The following ANTXR1 variants were observed in gnomAD, a reference collection of about 807,000 sequenced individuals.
ANTXR1 encodes ANTXR cell adhesion molecule 1.
In ANTXR1, 19 loss-of-function variants were observed where a neutral mutation model predicts 78.1. The ratio of observed to expected loss-of-function variants is 0.24; its 90% CI spans 0.17 to 0.36. The LOEUF (loss-of-function observed/expected upper bound fraction) is 0.36. ANTXR1 is among the 10% of genes least tolerant of loss of function. The pLI, the probability that ANTXR1 is intolerant of heterozygous loss-of-function variation, is 1.00. For synonymous variants in ANTXR1, 273 were observed against 260.5 expected (o/e 1.05, Z -0.46); for missense variants, 518 against 718.6 (o/e 0.72, Z 3.19).
At chr2:69,182,740 G>A in intron 16 of ANTXR1, 80 bp downstream of exon 16, 1 of 1,590,756 alleles carries the variant, frequency 6.3e-7, no homozygotes, top group Non-Finnish European at 8.6e-7. Flanking sequence ...CTTTCCACAT[G>A]ATAAAATCCC....
chr2:69,150,166 C>A (rs56216132), intron 12 of ANTXR1, among the ~76,000 whole-genome samples: 23,428 of 152,192 alleles, frequency 0.15, 3,621 homozygotes, highest in African/African-American at 0.38. Context: ...CAGCTTCCAG[C>A]AGCCCCTGCT....
intron 9 of ANTXR1, among the ~76,000 whole-genome samples, chr2:69,098,449 G>A (rs889663155): frequency 2.0e-5 from 3 of 152,102 alleles, no homozygotes; most frequent in Admixed American, 2.0e-4. Flanking sequence ...CAAAAATCTT[G>A]GGTGACCAGA....
chr2:69,039,245 T>A (rs1408561265), intron 1 of ANTXR1, among the ~76,000 whole-genome samples: 1 of 152,148 alleles, frequency 6.6e-6, no homozygotes, highest in African/African-American at 2.4e-5. Context: ...AAACTGAATA[T>A]GAGCACTATG....
chr2:69,077,514 TA>T, intron 8 of ANTXR1, 26 bp downstream of exon 8: 3 of 1,612,526 alleles, frequency 1.9e-6, no homozygotes, highest in Non-Finnish European at 2.5e-6. Flanking sequence ...CCTCTGAGAC[TA>T]GACATTCAGG....
chr2:69,190,250 A>G (rs1350439562), intron 16 of ANTXR1, among the ~76,000 whole-genome samples: 2 of 152,214 alleles, frequency 1.3e-5, no homozygotes, highest in Admixed American at 6.5e-5. Flanking sequence ...GTGTCAAGGC[A>G]TTTGGCAGTC....
chr2:69,247,744 T>A lies in ANTXR1; in HGVS notation c.*2259T>A, dbSNP rs1047449984. 3 of 152,448 alleles carry A rather than the reference T, an allele frequency of 2.0e-5. No homozygotes were observed. Among genetic ancestry groups the A allele is most frequent in the African/African-American group, 7.2e-5 (3 of 41,462 alleles). 9.4% of individuals were successfully genotyped at this position (152,448 alleles called of 1,614,324 possible). On this transcript the variant is annotated 3_prime_UTR_variant, in exon 18 of 18. Coordinates refer to ENST00000303714, the MANE Select transcript of ANTXR1 (RefSeq NM_032208.3). ...AGTCTAAAACAGTCCACCCACCCCATGGCACTGCCGCGTGATTCCCGCGGC... is the reference window on the plus strand; with the variant it reads ...AGTCTAAAACAGTCCACCCACCCCAAGGCACTGCCGCGTGATTCCCGCGGC...
intron 1 of ANTXR1, among the ~76,000 whole-genome samples, chr2:69,023,192 C>T (rs1473018883): frequency 6.6e-6 from 1 of 152,200 alleles, no homozygotes; most frequent in Non-Finnish European, 1.5e-5. Flanking sequence ...ATGTCTGCCT[C>T]ACAAAAGTGT....
chr2:69,126,562 C>T (rs1672546944), intron 12 of ANTXR1, among the ~76,000 whole-genome samples: 1 of 152,042 alleles, frequency 6.6e-6, no homozygotes, highest in Non-Finnish European at 1.5e-5. Flanking sequence ...TTTGAGTGAT[C>T]CAACAGTTGG....
In ANTXR1 at chr2:69,098,877, T is replaced by C. The variant is rs375505380; in HGVS notation, c.704-3965T>C. Reference sequence around the variant, plus strand: ...GGCACATGCCTATAATCCCAGCTACTCCGGAGGCTGAGGCAGGAGAATAGC... The same window carrying C: ...GGCACATGCCTATAATCCCAGCTACCCCGGAGGCTGAGGCAGGAGAATAGC... On this transcript the variant is annotated intron_variant, in intron 9 of 17. Transcript: ENST00000303714. Among the ~76,000 whole-genome samples, 120 of 152,258 alleles carry C rather than the reference T, an allele frequency of 7.9e-4. 1 individual carries two copies. The highest frequency in any genetic ancestry group is 2.8e-3 in the African/African-American group (116 of 41,540).
At chr2:69,127,941 C>T (rs934640895) in intron 12 of ANTXR1, among the ~76,000 whole-genome samples, 6 of 152,102 alleles carry the variant, frequency 3.9e-5, no homozygotes, top group Admixed American at 3.3e-4. Context: ...GTTGTTTAGC[C>T]CCTAGCCAGG....
intron 14 of ANTXR1, among the ~76,000 whole-genome samples, chr2:69,172,136 G>A (rs1674003959): frequency 6.6e-6 from 1 of 152,152 alleles, no homozygotes; most frequent in Admixed American, 6.5e-5. Context: ...TCCCTTCCTG[G>A]AGTCTAGATC....
At chr2:69,075,356 T>C (rs1670697368) in intron 6 of ANTXR1, among the ~76,000 whole-genome samples, 1 of 152,226 alleles carries the variant, frequency 6.6e-6, no homozygotes, top group Non-Finnish European at 1.5e-5. Flanking sequence ...CTTTAAGCCC[T>C]TCATCAAGAC....
intron 3 of ANTXR1, among the ~76,000 whole-genome samples, chr2:69,049,586 AG>A (rs1387995846): frequency 6.6e-6 from 1 of 152,214 alleles, no homozygotes; most frequent in East Asian, 1.9e-4. Flanking sequence ...CTGGGATTAC[AG>A]GTGTGAGCCA....
chr2:69,193,723 G>T (rs1029284768), intron 17 of ANTXR1, among the ~76,000 whole-genome samples: 2 of 152,228 alleles, frequency 1.3e-5, no homozygotes, highest in Non-Finnish European at 2.9e-5. Context: ...GCTTCTCAAT[G>T]TATAGGCACA....
chr2:69,105,120 C>T (rs146648930), intron 10 of ANTXR1, among the ~76,000 whole-genome samples: 3 of 152,266 alleles, frequency 2.0e-5, no homozygotes, highest in South Asian at 2.1e-4. Flanking sequence ...TGCAAACTCA[C>T]TATGGATTTG....
chr2:69,084,921 C>T (rs1019217018), intron 8 of ANTXR1, among the ~76,000 whole-genome samples: 9 of 145,930 alleles, frequency 6.2e-5, no homozygotes, highest in African/African-American at 1.0e-4. Flanking sequence ...GGCGCTATCT[C>T]GGCTCACTGC....
chr2:69,213,205 C>T (rs184200603), intron 17 of ANTXR1, among the ~76,000 whole-genome samples: 5 of 152,160 alleles, frequency 3.3e-5, no homozygotes, highest in Non-Finnish European at 7.3e-5. Context: ...CCAGTGCCTT[C>T]GTTTCACAGA....
chr2:69,210,404 A>G (rs1023357479), intron 17 of ANTXR1, among the ~76,000 whole-genome samples: 3 of 152,224 alleles, frequency 2.0e-5, no homozygotes. Flanking sequence ...AGGCCTTGCT[A>G]TATTCCAAAA....
At chr2:69,022,692 G>T (rs1012930635) in intron 1 of ANTXR1, among the ~76,000 whole-genome samples, 1 of 152,204 alleles carries the variant, frequency 6.6e-6, no homozygotes, top group Non-Finnish European at 1.5e-5. Context: ...TTCTGATTCA[G>T]GTCCCTCCCT....
Sources: gnomAD v4.1 joint callset for allele counts (sites outside exome capture counted in the v4.1 genomes callset) on GRCh38, gnomAD v4.1.1 for gene constraint, MANE v1.5 for transcripts, NCBI Gene and HGNC (gene_info 2026-07-23, HGNC 2026-07-21) for gene names.